Variants in ATP11A observed in about 807,000 individuals in gnomAD.
ATP11A encodes the protein phospholipid-transporting ATPase IH.
In ATP11A, 81 loss-of-function variants were observed where a neutral mutation model predicts 154.4. The ratio of observed to expected loss-of-function variants is 0.52; its 90% CI spans 0.44 to 0.63. The LOEUF is 0.63. Among genes scored for constraint, ATP11A ranks in the 30% least tolerant of loss-of-function variants. The pLI is 0.00. For missense variants in ATP11A, 1,316 were observed against 1,474.3 expected (o/e 0.89, Z 1.76); for synonymous variants, 623 against 585.9 (o/e 1.06, Z -0.91).
At chr13:112,876,845 A>G (rs1022522958) in intron 28 of ATP11A, among the ~76,000 whole-genome samples, 1 of 152,104 alleles carries the variant, frequency 6.6e-6, no homozygotes, top group Non-Finnish European at 1.5e-5. Flanking sequence ...GCTGGCTCCC[A>G]GCGGTGCTGC....
chr13:112,724,800 G>C (rs1050981536), intron 1 of ATP11A, among the ~76,000 whole-genome samples: 1 of 152,154 alleles, frequency 6.6e-6, no homozygotes, highest in Non-Finnish European at 1.5e-5. Flanking sequence ...CTGCCATGTG[G>C]GAAATTCCAA....
At chr13:112,874,032 C>A (rs2080635293) in intron 27 of ATP11A, among the ~76,000 whole-genome samples, 1 of 152,222 alleles carries the variant, frequency 6.6e-6, no homozygotes, top group Admixed American at 6.5e-5. Context: ...AGAAGAGCGC[C>A]ATCATCACAG....
intron 18 of ATP11A, among the ~76,000 whole-genome samples, chr13:112,852,149 A>C (rs1225232988): frequency 6.6e-6 from 1 of 152,204 alleles, no homozygotes; most frequent in Non-Finnish European, 1.5e-5. Flanking sequence ...AGTGAAAGGC[A>C]TGGATTTCAG....
At chr13:112,781,062 A>G (rs975525095) in intron 1 of ATP11A, among the ~76,000 whole-genome samples, 1 of 152,032 alleles carries the variant, frequency 6.6e-6, no homozygotes, top group Non-Finnish European at 1.5e-5. Flanking sequence ...TTTGTTTGAG[A>G]CGGAGCCTCG....
Position 112,882,856 on chromosome 13 carries a change from C to T in ATP11A, c.*990C>T, listed in dbSNP as rs1274009478. ...ACATCCTCTGTCCCCGTGGAGGGGT[C>T]AACACCAAGGTGGTGTTCGTGCACC... On this transcript the variant is annotated 3_prime_UTR_variant, in exon 30 of 30. Coordinates refer to ENST00000375645, the MANE Select transcript of ATP11A (RefSeq NM_015205.3). This position sits in a 1 kb window ranked among gnomAD's most constrained non-coding sequence, Gnocchi z 5.1. 1 of 398,828 alleles carries T rather than the reference C, an allele frequency of 2.5e-6. No homozygotes were observed. Among genetic ancestry groups the T allele is most frequent in the East Asian group, 3.6e-5 (1 of 28,062 alleles). The allele number at this position is 398,828 out of a possible 1,614,324, so 24.7% of individuals were successfully genotyped here.
intron 1 of ATP11A, among the ~76,000 whole-genome samples, chr13:112,758,437 T>A (rs376700235): frequency 6.7e-6 from 1 of 150,122 alleles, no homozygotes; most frequent in East Asian, 2.0e-4. Flanking sequence ...TTTTCTTTTT[T>A]TTTTGAGACA....
intron 16 of ATP11A, among the ~76,000 whole-genome samples, chr13:112,837,280 C>T (rs1407293257): frequency 2.0e-5 from 3 of 152,222 alleles, no homozygotes; most frequent in African/African-American, 7.2e-5. Flanking sequence ...TGGCCTTGTT[C>T]CCCGCTTCCT....
At chr13:112,783,696 C>T (rs1438175491) in intron 1 of ATP11A, among the ~76,000 whole-genome samples, 1 of 152,234 alleles carries the variant, frequency 6.6e-6, no homozygotes, top group East Asian at 1.9e-4. Context: ...GAGAGCCACA[C>T]GCTAAGGCCC....
chr13:112,700,450 G>A (rs1030275513), intron 1 of ATP11A, among the ~76,000 whole-genome samples: 11 of 152,164 alleles, frequency 7.2e-5, no homozygotes, highest in Admixed American at 7.2e-4. Context: ...AGCCCCTCTC[G>A]ATCCTCACAG....
Position 112,857,904 on chromosome 13 carries a change from A to C in ATP11A, c.2505A>C (p.Glu835Asp). The C allele has an allele frequency of 6.2e-7, 1 of 1,614,240 alleles. No individual in the cohort carries two copies. The highest frequency in any genetic ancestry group is 1.1e-5 in the South Asian group (1 of 91,086). ...CAAATGATGTCAGCATGATTCTGGA[A>C]GCGCACGTGGGCATAGGTGAGCTTC... ...DGANDVSMIL[E>D]AHVGIGVIGK... Residue 835 changes from glutamate (E) to aspartate (D), a missense_variant, in exon 21 of 30, where the codon GAA becomes GAC. By Grantham distance (45) the Glu-to-Asp change is conservative. Transcript: ENST00000375645.
chr13:112,758,148 A>G (rs2076884483), intron 1 of ATP11A, among the ~76,000 whole-genome samples: 1 of 151,184 alleles, frequency 6.6e-6, no homozygotes, highest in Non-Finnish European at 1.5e-5. Context: ...TGCAACCTAC[A>G]CTTCCCAGGT....
rs568350814 is a variant in ATP11A, at chr13:112,847,555, G to A, written c.1810-3482G>A. Among the ~76,000 whole-genome samples, 86 of 152,312 alleles carry A rather than the reference G, an allele frequency of 5.6e-4. 2 individuals are homozygous for A. The South Asian group carries it at 0.017, about 30-fold the overall frequency. ...GTGATACTGACACTCTTGCTGAAAA[G>A]CATTTGATTACGGTACCTGGAGGTT... On this transcript the variant is annotated intron_variant, in intron 17 of 29. Transcript: ENST00000375645.
At chr13:112,759,252 C>T (rs2076911986) in intron 1 of ATP11A, among the ~76,000 whole-genome samples, 1 of 152,206 alleles carries the variant, frequency 6.6e-6, no homozygotes, top group South Asian at 2.1e-4. Context: ...CTGCAGCCCT[C>T]TGGTGAGGTT....
chr13:112,867,055 T>A (rs1398891070), intron 25 of ATP11A, among the ~76,000 whole-genome samples: 1 of 388 alleles, frequency 2.6e-3, no homozygotes, highest in African/African-American at 3.1e-3. Context: ...GCATCTCGCG[T>A]AGCCCTTAAG....
chr13:112,765,651 C>T (rs1003849113), intron 1 of ATP11A, among the ~76,000 whole-genome samples: 1 of 152,208 alleles, frequency 6.6e-6, no homozygotes, highest in African/African-American at 2.4e-5. Context: ...TGAGAGAGAC[C>T]TAAGAACCAT....
At chr13:112,695,038 G>A (rs1885635891) in intron 1 of ATP11A, among the ~76,000 whole-genome samples, 1 of 152,160 alleles carries the variant, frequency 6.6e-6, no homozygotes, top group Non-Finnish European at 1.5e-5. Flanking sequence ...CTGAAAGACA[G>A]ACTTATTTAT....
At chr13:112,798,824 A>G (rs1228793046) in intron 2 of ATP11A, among the ~76,000 whole-genome samples, 1 of 152,242 alleles carries the variant, frequency 6.6e-6, no homozygotes, top group Non-Finnish European at 1.5e-5. Flanking sequence ...TAATCCAGCT[A>G]TATTAATAAT....
chr13:112,828,566 G>A (rs747343166), intron 12 of ATP11A, among the ~76,000 whole-genome samples: 16 of 150,928 alleles, frequency 1.1e-4, no homozygotes, highest in Non-Finnish European at 1.6e-4. Context: ...AAGAAGTGTT[G>A]AGTGCGGGGG....
At chr13:112,762,035 G>A (rs979725470) in intron 1 of ATP11A, among the ~76,000 whole-genome samples, 2 of 152,182 alleles carry the variant, frequency 1.3e-5, no homozygotes, top group South Asian at 2.1e-4. Flanking sequence ...TCGTGACCTC[G>A]ATGGAAGATA....
Sources: allele counts gnomAD v4.1 joint callset (sites outside exome capture counted in the v4.1 genomes callset), GRCh38; gene constraint gnomAD v4.1.1; non-coding constraint Gnocchi (gnomAD v3.1); transcripts MANE v1.5; gene names NCBI Gene and HGNC (gene_info 2026-07-23, HGNC 2026-07-21).